SARM1: variants seen among roughly 807,000 people sequenced by gnomAD.
SARM1 encodes sterile alpha and TIR motif containing 1.
In SARM1, 60 loss-of-function variants were observed where a neutral mutation model predicts 65.1. The ratio of observed to expected loss-of-function variants is 0.92; its 90% CI spans 0.75 to 1.14. The LOEUF (loss-of-function observed/expected upper bound fraction) is 1.14, where lower values mean the gene tolerates loss of function less well. Among genes scored for constraint, SARM1 ranks in the 50% most tolerant of loss-of-function variants. The probability of loss-of-function intolerance (pLI) is 0.00; values close to 1 mark genes in which losing one functional copy is unlikely to be tolerated. For missense variants in SARM1, 913 were observed against 1,015.7 expected, an observed-to-expected ratio of 0.90 and a Z score of 1.37; for synonymous variants, 417 against 465.4, an observed-to-expected ratio of 0.90 and a Z score of 1.34.
chr17:28,394,098 C>T (rs1292786690), intron 7 of SARM1, among the ~76,000 whole-genome samples: 2 of 152,248 alleles, frequency 1.3e-5, no homozygotes, highest in African/African-American at 4.8e-5. Context: ...TAGGGTCTCA[C>T]AGGCCACATG....
Position 28,387,905 on chromosome 17 carries a change from C to T in SARM1, c.1631-269C>T, listed in dbSNP as rs1364379573. On this transcript the variant is annotated intron_variant, in intron 5 of 8. Transcript: ENST00000585482. ...GAGTGATTGTGGGCAGCTGGCTGTT[C>T]AGGTCTGGAGTTCCAGAGAGAGGTC... is the stretch of plus-strand genomic sequence containing the variant. 39 of 467,544 alleles carry T rather than the reference C, an allele frequency of 8.3e-5. 2 individuals carry two copies. In the South Asian group the frequency reaches 1.2e-3, roughly 15 times the overall value. The allele number at this position is 467,544 out of a possible 1,614,324, so 29.0% of individuals were successfully genotyped here. A position where few individuals can be genotyped will look rare whatever the true frequency, so the allele number is the denominator to read the frequency against.
chr17:28,377,160 C>T (rs1004634297), intron 1 of SARM1, among the ~76,000 whole-genome samples: 25 of 152,142 alleles, frequency 1.6e-4, no homozygotes, highest in Non-Finnish European at 8.8e-5. Context: ...TGTCTAGAAA[C>T]GCAAAATGAA....
rs1278608677 is a variant in SARM1, at chr17:28,395,821, C to T, written c.1924-84C>T. ...TCCTGCCCTGGGCCCAGCCTCGGGC[C>T]AGTGGGCCTCCCAGCACCTGCCTGG... is the stretch of plus-strand genomic sequence containing the variant. On this transcript the variant is annotated intron_variant, in intron 7 of 8. Transcript: ENST00000585482. 6 of 1,549,136 alleles carry T rather than the reference C, an allele frequency of 3.9e-6. No individual in the cohort carries two copies. In the African/African-American group the frequency reaches 8.1e-5, roughly 21 times the overall value.
intron 1 of SARM1, among the ~76,000 whole-genome samples, chr17:28,380,057 C>CTTTT (rs61029083): frequency 1.9e-5 from 2 of 106,102 alleles, no homozygotes; most frequent in Admixed American, 2.2e-4. Context: ...TTTTTCTTTT[C>CTTTT]TTTTTTTTTT....
At position 28,385,805 on chromosome 17, in the gene SARM1, C is replaced by T. The variant is rs539813165; in HGVS notation, c.1630+530C>T. 6.6e-6 allele frequency among the ~76,000 whole-genome samples: 1 copy of T among 152,290 alleles called. No individual in the cohort carries two copies. The highest frequency in any genetic ancestry group is 2.4e-5 in the African/African-American group (1 of 41,558). ...TTTAGAGTGAATTCTAGGCCTCTAGCCACCCTCCTTATTTACTAATTTATT... is the reference window on the plus strand; with the variant it reads ...TTTAGAGTGAATTCTAGGCCTCTAGTCACCCTCCTTATTTACTAATTTATT... On this transcript the variant is annotated intron_variant, in intron 5 of 8. Coordinates refer to ENST00000585482, the MANE Select transcript of SARM1 (RefSeq NM_015077.4). The surrounding 1 kb of genome is among the most constrained non-coding windows in gnomAD (Gnocchi z 4.5).
rs2068195575 is a variant in SARM1 at position 28,401,333 on chromosome 17, T to C, written c.*5047T>C. 6.3e-6 allele frequency: 1 copy of C among 159,038 alleles called. No individual in the cohort carries two copies. Among genetic ancestry groups the C allele is most frequent in the South Asian group, 1.8e-4 (1 of 5,476 alleles). 9.9% of individuals were successfully genotyped at this position (159,038 alleles called of 1,614,324 possible). A position where few individuals can be genotyped will look rare whatever the true frequency, so the allele number is the denominator to read the frequency against. On this transcript the variant is annotated 3_prime_UTR_variant, in exon 9 of 9. Transcript: ENST00000585482. The stretch of plus-strand genomic sequence containing the variant: ...AGCTAGTTAGTAAGGGCTGTTCTTT[T>C]CTCCTGTTTCTCTTGACATCTCTGG...
intron 7 of SARM1, among the ~76,000 whole-genome samples, chr17:28,393,206 A>T (rs1202629496): frequency 2.0e-5 from 3 of 152,200 alleles, no homozygotes; most frequent in Non-Finnish European, 4.4e-5. Context: ...CGCTTATTCC[A>T]TGGAACAATC....
At chr17:28,376,567 T>C (rs2067990856) in intron 1 of SARM1, among the ~76,000 whole-genome samples, 5 of 151,972 alleles carry the variant, frequency 3.3e-5, no homozygotes. Flanking sequence ...AGTGAGATCC[T>C]GTCAAGAAAA....
In SARM1 at chr17:28,385,433, G is replaced by A; in HGVS notation, c.1630+158G>A. ...GCTCTGAGGATGTAAAGATGAATAC[G>A]TTGCACTTTACCTCAAGAAGTTCCC... On this transcript the variant is annotated intron_variant, in intron 5 of 8. Coordinates refer to ENST00000585482, the MANE Select transcript of SARM1 (RefSeq NM_015077.4). The surrounding 1 kb of genome is among the most constrained non-coding windows in gnomAD (Gnocchi z 4.5). 1 of 620,316 alleles carries A rather than the reference G, an allele frequency of 1.6e-6. No homozygotes were observed. Among genetic ancestry groups the A allele is most frequent in the Non-Finnish European group, 2.7e-6 (1 of 364,674 alleles). The allele number at this position is 620,316 out of a possible 1,614,324, so 38.4% of individuals were successfully genotyped here.
At chr17:28,382,167 G>A (rs993116894) in intron 2 of SARM1, among the ~76,000 whole-genome samples, 3 of 152,124 alleles carry the variant, frequency 2.0e-5, no homozygotes, top group Non-Finnish European at 4.4e-5. Context: ...TGGGGGAAGG[G>A]GGAGACAGCG....
At chr17:28,386,885 C>T (rs782076094) in intron 5 of SARM1, among the ~76,000 whole-genome samples, 12 of 152,124 alleles carry the variant, frequency 7.9e-5, no homozygotes, top group East Asian at 5.8e-4. Context: ...ACCACAGGTG[C>T]GCAACACCAC....
At position 28,399,679 on chromosome 17, in the gene SARM1, G is replaced by A. The variant is rs2068172605; in HGVS notation, c.*3393G>A. On this transcript the variant is annotated 3_prime_UTR_variant, in exon 9 of 9. Transcript: ENST00000585482. ...GATCAGGGGCTCTGGGGAAACTGCT[G>A]GAACTCGAGGTGAGGATCAGCCTTT... The A allele has an allele frequency of 2.5e-6, 4 of 1,613,974 alleles. No individual in the cohort carries two copies. Among genetic ancestry groups the A allele is most frequent in the East Asian group, 2.2e-5 (1 of 44,884 alleles).
At position 28,403,332 on chromosome 17, in the gene SARM1, T is replaced by A. The variant is rs1053104719; in HGVS notation, c.*7046T>A. The A allele has an allele frequency of 6.6e-6, 1 of 152,024 alleles. No individual in the cohort carries two copies. The highest frequency in any genetic ancestry group is 2.4e-5 in the African/African-American group (1 of 41,330). The allele number at this position is 152,024 out of a possible 1,614,324, so 9.4% of individuals were successfully genotyped here. A position where few individuals can be genotyped will look rare whatever the true frequency, so the allele number is the denominator to read the frequency against. On this transcript the variant is annotated 3_prime_UTR_variant, in exon 9 of 9. Coordinates refer to ENST00000585482, the MANE Select transcript of SARM1 (RefSeq NM_015077.4). ...GGCATAGGGACACAGCAAATGGGAG[T>A]TCCTTTTCCCTTTGCATTCAGTTAC...
chr17:28,400,336 A>C lies in SARM1; in HGVS notation c.*4050A>C. ...CCATAGTTCCATCTATAAAATGGGAATGGAGGGAAATAGGGGAACTGGGAG... is the reference window on the plus strand; with the variant it reads ...CCATAGTTCCATCTATAAAATGGGACTGGAGGGAAATAGGGGAACTGGGAG... On this transcript the variant is annotated 3_prime_UTR_variant, in exon 9 of 9. Coordinates refer to ENST00000585482, the MANE Select transcript of SARM1 (RefSeq NM_015077.4). The C allele has an allele frequency of 1.6e-5, 7 of 439,442 alleles. No individual in the cohort carries two copies. Among genetic ancestry groups the C allele is most frequent in the East Asian group, 4.5e-5 (1 of 22,018 alleles). 27.2% of individuals were successfully genotyped at this position (439,442 alleles called of 1,614,324 possible).
rs1555589098 is a variant in SARM1 at position 28,399,701 on chromosome 17, C to G, written c.*3415C>G. 2 of 1,613,936 alleles carry G rather than the reference C, an allele frequency of 1.2e-6. No homozygotes were observed. The highest frequency in any genetic ancestry group is 8.5e-7 in the Non-Finnish European group (1 of 1,179,878). Reference sequence around the variant, plus strand: ...GCTGGAACTCGAGGTGAGGATCAGCCTTTTCCAGCATCCTGTGAGAGACCA... The same window carrying G: ...GCTGGAACTCGAGGTGAGGATCAGCGTTTTCCAGCATCCTGTGAGAGACCA... On this transcript the variant is annotated 3_prime_UTR_variant, in exon 9 of 9. Coordinates refer to ENST00000585482, the MANE Select transcript of SARM1 (RefSeq NM_015077.4).
chr17:28,384,857 G>A lies in SARM1; in HGVS notation c.1321G>A (p.Asp441Asn), dbSNP rs1555585736. Residue 441 changes from aspartate to asparagine, a missense_variant, in exon 4 of 9, where the codon GAC becomes AAC. Coordinates refer to ENST00000585482, the MANE Select transcript of SARM1 (RefSeq NM_015077.4). The surrounding 1 kb of genome is among the most constrained non-coding windows in gnomAD (Gnocchi z 4.4). ...CCCCCAGGAGCAGCAGGTGGATGGC[G>A]ACCTGCTTCTGCGGCTCACGGAGGA... ...ESFREQQVDG[D>N]LLLRLTEEEL... is the part of the protein sequence containing the mutation. The A allele has an allele frequency of 5.8e-6, 9 of 1,554,892 alleles. No homozygotes were observed. Among genetic ancestry groups the A allele is most frequent in the Admixed American group, 1.9e-5 (1 of 51,448 alleles).
At chr17:28,395,870 C>T (rs1159396471) in intron 7 of SARM1, 35 bp from the exon 8 acceptor site, 9 of 1,611,170 alleles carry the variant, frequency 5.6e-6, no homozygotes, top group Non-Finnish European at 6.8e-6. Flanking sequence ...TAGATGGGTA[C>T]AGGGGTATCT....
At position 28,381,291 on chromosome 17, in the gene SARM1, A is replaced by G; in HGVS notation, c.559A>G (p.Ile187Val). 1 of 1,606,104 alleles carries G rather than the reference A, an allele frequency of 6.2e-7. No homozygotes were observed. Among genetic ancestry groups the G allele is most frequent in the Non-Finnish European group, 8.5e-7 (1 of 1,176,760 alleles). Residue 187 changes from isoleucine (I) to valine (V), a missense_variant, in exon 2 of 9, where the codon ATC becomes GTC. Physicochemically the swap from Ile to Val is conservative, Grantham distance 29. Around this residue, in one of 3 missense-constraint regions of SARM1, gnomAD observed 862 missense variants for 952.1 expected, o/e 0.91. Transcript: ENST00000585482. ...PVELARSVAG[I>V]LEHMFKHSEE... ...AGAGCTGGCGCGGAGCGTGGCAGGC[A>G]TCTTGGAGCACATGTTCAAGCATTC...
chr17:28,388,225 C>T lies in SARM1; in HGVS notation c.1682C>T (p.Thr561Ile). ...ACTGGTGGCAAACCCAGTGGGGACA[C>T]TCCAGATGTCTTCATCAGCTACCGC... Reference protein sequence around the residue: ...PCTGGKPSGDTPDVFISYRRN... With the variant: ...PCTGGKPSGDIPDVFISYRRN... The change falls in exon 6 of 9, where the codon ACT becomes ATT. Residue 561 changes from threonine (T) to isoleucine (I), a missense_variant. Thr to Ile is a moderately conservative substitution (Grantham distance 89, BLOSUM62 -1). Coordinates refer to ENST00000585482, the MANE Select transcript of SARM1 (RefSeq NM_015077.4). 1 of 1,551,020 alleles carries T rather than the reference C, an allele frequency of 6.4e-7. No individual in the cohort carries two copies. Among genetic ancestry groups the T allele is most frequent in the Non-Finnish European group, 8.7e-7 (1 of 1,147,482 alleles).
Sources: allele counts gnomAD v4.1 joint callset (sites outside exome capture counted in the v4.1 genomes callset), GRCh38; gene constraint gnomAD v4.1.1; regional missense constraint gnomAD v4.1.1; non-coding constraint Gnocchi (gnomAD v3.1); transcripts MANE v1.5; gene names NCBI Gene and HGNC (gene_info 2026-07-23, HGNC 2026-07-21).